The following NWD1 variants were observed in gnomAD, a reference collection of about 807,000 sequenced individuals.
NWD1 encodes the protein NACHT and WD repeat domain containing 1.
NWD1 carries 129 observed loss-of-function variants against 135.1 expected under a neutral mutation model. The ratio of observed to expected loss-of-function variants is 0.96; its 90% CI spans 0.83 to 1.11. NWD1 has a LOEUF of 1.11. NWD1 is among the 50% of genes least tolerant of loss of function. NWD1 has a pLI of 0.00. For missense variants in NWD1, 1,740 were observed against 1,851.3 expected (o/e 0.94, Z 1.10); for synonymous variants, 773 against 786.0 (o/e 0.98, Z 0.28).
intron 14 of NWD1, among the ~76,000 whole-genome samples, chr19:16,793,350 C>T (rs899786700): frequency 2.6e-5 from 4 of 152,012 alleles, no homozygotes; most frequent in African/African-American, 9.7e-5. Flanking sequence ...CCTCTCGCCT[C>T]AGCCTCCTGA....
chr19:16,730,914 T>TC lies in NWD1; in HGVS notation c.-6-278_-6-277insC, dbSNP rs558505148. 8.1e-3 allele frequency among the ~76,000 whole-genome samples: 1,182 copies of TC among 145,934 alleles called. 14 individuals are homozygous for TC. Among genetic ancestry groups the TC allele is most frequent in the African/African-American group, 0.028 (1,094 of 39,336 alleles). On this transcript the variant is annotated intron_variant, in intron 2 of 18. Coordinates refer to ENST00000524140, the MANE Select transcript of NWD1 (RefSeq NM_001007525.5). ...TTTTTTTTATTTTTCTTTCTTTCTT[T>TC]TTTTTTTTTTTTTTGAGATGGTGGC...
At position 16,807,508 on chromosome 19, in the gene NWD1, CA is replaced by C. The variant is rs1320917559; in HGVS notation, c.3737-70del. 7.9e-5 allele frequency: 99 copies of C among 1,256,926 alleles called. 1 individual carries two copies. The East Asian group carries it at 8.9e-4, about 11-fold the overall frequency. 77.9% of individuals were successfully genotyped at this position (1,256,926 alleles called of 1,614,324 possible). A position where few individuals can be genotyped will look rare whatever the true frequency, so the allele number is the denominator to read the frequency against. On this transcript the variant is annotated intron_variant, in intron 17 of 18. Transcript: ENST00000524140. ...ACTCCATCTCAAAAACAAAACAAAA[CA>C]AAAAAAACCACCAGGGAAGCAGGGC...
intron 2 of NWD1, among the ~76,000 whole-genome samples, chr19:16,725,022 T>A (rs8100421): frequency 1.3e-5 from 2 of 151,062 alleles, no homozygotes; most frequent in South Asian, 2.1e-4. Flanking sequence ...TTTATTTTTT[T>A]ATTTTTTGAG....
intron 17 of NWD1, among the ~76,000 whole-genome samples, chr19:16,803,212 A>G (rs1970655060): frequency 6.6e-6 from 1 of 152,148 alleles, no homozygotes; most frequent in Non-Finnish European, 1.5e-5. Flanking sequence ...AATTATCTCC[A>G]GCTGGCCTCG....
chr19:16,812,868 T>C (rs373276532), intron 18 of NWD1: 19 of 780,802 alleles, frequency 2.4e-5, no homozygotes, highest in Non-Finnish European at 4.1e-5. Context: ...ATTTTGCTTT[T>C]AGGGCAGGAT....
At position 16,749,542 on chromosome 19, in the gene NWD1, C is replaced by T. The variant is rs139849705; in HGVS notation, c.900C>T (p.His300=). 129 of 1,612,876 alleles carry T rather than the reference C, an allele frequency of 8.0e-5. No homozygotes were observed. In the African/African-American group the frequency reaches 1.6e-3, roughly 21 times the overall value. Residue 300 remains histidine (H), a synonymous_variant, in exon 6 of 19, where the codon CAC becomes CAT. Coordinates refer to ENST00000524140, the MANE Select transcript of NWD1 (RefSeq NM_001007525.5). ...ELAWLYQEIR[H]HLWQSSEVIQ... Reference sequence around the variant, plus strand: ...CGTGGCTCTACCAAGAGATCCGCCACCACCTTTGGCAGAGCTCGGAGGTCA... The same window carrying T: ...CGTGGCTCTACCAAGAGATCCGCCATCACCTTTGGCAGAGCTCGGAGGTCA...
At chr19:16,804,927 C>T (rs1038712115) in intron 17 of NWD1, among the ~76,000 whole-genome samples, 4 of 151,926 alleles carry the variant, frequency 2.6e-5, no homozygotes, top group South Asian at 2.1e-4. Flanking sequence ...TGGGCTCAAG[C>T]GATCTTCCTG....
chr19:16,771,279 A>G (rs907124787), intron 10 of NWD1, among the ~76,000 whole-genome samples: 7 of 152,174 alleles, frequency 4.6e-5, no homozygotes, highest in Non-Finnish European at 8.8e-5. Context: ...GTGAAACCCC[A>G]TCTCTACTAA....
intron 12 of NWD1, among the ~76,000 whole-genome samples, chr19:16,784,782 A>G (rs2123021459): frequency 6.6e-6 from 1 of 152,198 alleles, no homozygotes; most frequent in Middle Eastern, 3.4e-3. Flanking sequence ...TACAAAAATT[A>G]GCCAGGTGTG....
chr19:16,770,637 T>A (rs1969383560), intron 10 of NWD1, among the ~76,000 whole-genome samples: 1 of 152,006 alleles, frequency 6.6e-6, no homozygotes, highest in Non-Finnish European at 1.5e-5. Flanking sequence ...CAGCCCTCAG[T>A]TTTCCCATCT....
intron 18 of NWD1, chr19:16,812,880 G>A (rs1970968436): frequency 1.3e-6 from 1 of 780,652 alleles, no homozygotes. Context: ...GGGCAGGATT[G>A]AGCTTCGATC....
intron 12 of NWD1, among the ~76,000 whole-genome samples, chr19:16,783,931 G>T (rs1016539487): frequency 6.6e-6 from 1 of 152,038 alleles, no homozygotes; most frequent in Admixed American, 6.6e-5. Context: ...TACAGGAGTG[G>T]CCGGGCACAG....
chr19:16,772,989 G>A, intron 10 of NWD1, 137 bp from the exon 11 acceptor site: 1 of 711,768 alleles, frequency 1.4e-6, no homozygotes, highest in Non-Finnish European at 2.5e-6. Flanking sequence ...GGAGACAGGA[G>A]CGGACAGCAG....
intron 2 of NWD1, among the ~76,000 whole-genome samples, chr19:16,728,901 G>GCA (rs2122685359): frequency 7.1e-6 from 1 of 141,432 alleles, no homozygotes; most frequent in East Asian, 2.1e-4. Context: ...CCGAGATCAT[G>GCA]CCACTGCACT....
intron 5 of NWD1, among the ~76,000 whole-genome samples, chr19:16,747,257 G>T (rs1012037484): frequency 4.0e-5 from 6 of 151,572 alleles, no homozygotes; most frequent in African/African-American, 1.5e-4. Context: ...GGCTGGTCTC[G>T]AACTCCTGAC....
chr19:16,781,950 T>C (rs1199467892), intron 12 of NWD1, among the ~76,000 whole-genome samples: 1 of 151,186 alleles, frequency 6.6e-6, no homozygotes, highest in East Asian at 2.0e-4. Context: ...AAAAATTAGC[T>C]GGGCGTGATG....
intron 10 of NWD1, among the ~76,000 whole-genome samples, chr19:16,765,939 C>T (rs1030126359): frequency 6.7e-6 from 1 of 150,200 alleles, no homozygotes; most frequent in Admixed American, 6.7e-5. Flanking sequence ...ATTGCTGGAA[C>T]CTGGGAGGCG....
At chr19:16,783,041 C>CT (rs111618636) in intron 12 of NWD1, among the ~76,000 whole-genome samples, 121 of 119,316 alleles carry the variant, frequency 1.0e-3, no homozygotes, top group Admixed American at 1.3e-3. Context: ...TTCTTTCTTT[C>CT]TTTTTTTTTT....
At chr19:16,772,364 C>T (rs1446816995) in intron 10 of NWD1, among the ~76,000 whole-genome samples, 2 of 151,630 alleles carry the variant, frequency 1.3e-5, no homozygotes, top group Non-Finnish European at 2.9e-5. Flanking sequence ...GACCCTGTCT[C>T]TAAAAAAATA....
Sources: gnomAD v4.1 joint callset for allele counts (sites outside exome capture counted in the v4.1 genomes callset) on GRCh38, gnomAD v4.1.1 for gene constraint, MANE v1.5 for transcripts, NCBI Gene and HGNC (gene_info 2026-07-23, HGNC 2026-07-21) for gene names.